RELCH: variants seen among roughly 807,000 people sequenced by gnomAD.
The protein encoded by RELCH is RAB11 binding and LisH domain, coiled-coil and HEAT repeat containing.
In RELCH, 41 loss-of-function variants were observed where a neutral mutation model predicts 150.3. The observed-to-expected ratio is 0.27, with a 90% confidence interval of 0.21 to 0.35. The LOEUF (loss-of-function observed/expected upper bound fraction) is 0.35, where lower values mean the gene tolerates loss of function less well. RELCH is among the 10% of genes least tolerant of loss of function. RELCH has a pLI of 1.00. For missense variants in RELCH, 1,092 were observed against 1,467.8 expected, an observed-to-expected ratio of 0.74 and a Z score of 4.18; for synonymous variants, 478 against 531.8, an observed-to-expected ratio of 0.90 and a Z score of 1.39.
At chr18:62,221,329 A>T (rs2040857337) in intron 4 of RELCH, 55 bp downstream of exon 4, 2 of 1,547,730 alleles carry the variant, frequency 1.3e-6, no homozygotes, top group Middle Eastern at 1.7e-4. Flanking sequence ...TGGTAACATA[A>T]ATATTGAAGG....
intron 5 of RELCH, among the ~76,000 whole-genome samples, chr18:62,226,159 G>A (rs1266202373): frequency 6.6e-6 from 1 of 151,950 alleles, no homozygotes. Context: ...GTTCTCATAG[G>A]TTATAATCTA....
At chr18:62,272,311 TTC>T (rs1433262568) in intron 20 of RELCH, among the ~76,000 whole-genome samples, 5 of 152,160 alleles carry the variant, frequency 3.3e-5, no homozygotes, top group Admixed American at 1.3e-4. Flanking sequence ...CAGTATTTTA[TTC>T]TCTCTCTTTT....
chr18:62,280,282 C>A, intron 23 of RELCH: 1 of 1,164,468 alleles, frequency 8.6e-7, no homozygotes, highest in South Asian at 1.3e-5. Flanking sequence ...GTCTGCCTGC[C>A]CATCCTCAGT....
intron 27 of RELCH, among the ~76,000 whole-genome samples, chr18:62,297,845 C>T (rs531553171): frequency 1.3e-5 from 2 of 152,238 alleles, no homozygotes; most frequent in African/African-American, 4.8e-5. Flanking sequence ...AGCATTTATT[C>T]CTCCATCTCC....
intron 28 of RELCH, among the ~76,000 whole-genome samples, chr18:62,299,856 A>G (rs1326117301): frequency 6.6e-6 from 1 of 152,208 alleles, no homozygotes; most frequent in Non-Finnish European, 1.5e-5. Flanking sequence ...TTTAAAGATA[A>G]GTATTATTTA....
chr18:62,211,904 T>C (rs1465629287), intron 2 of RELCH, among the ~76,000 whole-genome samples: 1 of 152,196 alleles, frequency 6.6e-6, no homozygotes, highest in African/African-American at 2.4e-5. Context: ...TTTCTGACTT[T>C]GCTATGATCC....
intron 1 of RELCH, among the ~76,000 whole-genome samples, chr18:62,209,125 T>C (rs1041806130): frequency 6.6e-6 from 1 of 152,240 alleles, no homozygotes; most frequent in Non-Finnish European, 1.5e-5. Context: ...AAGTAACATA[T>C]TCACACATTC....
chr18:62,246,240 A>G (rs1242860475), intron 11 of RELCH: 2 of 151,742 alleles, frequency 1.3e-5, no homozygotes, highest in South Asian at 2.1e-4. Context: ...TTCTGTTTGT[A>G]TGGCTTATTG....
chr18:62,242,914 G>A (rs1968803152), intron 10 of RELCH, among the ~76,000 whole-genome samples: 1 of 152,038 alleles, frequency 6.6e-6, no homozygotes. Flanking sequence ...AATAGGCTAG[G>A]AAGAAATGGG....
intron 24 of RELCH, 56 bp from the exon 25 acceptor site, chr18:62,282,250 A>G: frequency 1.4e-6 from 2 of 1,479,940 alleles, no homozygotes; most frequent in Middle Eastern, 1.7e-4. Flanking sequence ...TCACTTTAAC[A>G]ACACTACTCA....
chr18:62,221,917 T>C (rs2040900030), intron 5 of RELCH, among the ~76,000 whole-genome samples: 1 of 151,994 alleles, frequency 6.6e-6, no homozygotes, highest in Non-Finnish European at 1.5e-5. Context: ...GAGAGTATAT[T>C]GTAAATGAGA....
chr18:62,227,740 A>G (rs373390989), intron 7 of RELCH, 51 bp downstream of exon 7: 55 of 878,288 alleles, frequency 6.3e-5, no homozygotes, highest in Non-Finnish European at 9.6e-5. Flanking sequence ...GTTTAAAAGT[A>G]TTGGCAAGTT....
At position 62,244,784 on chromosome 18, in the gene RELCH, G is replaced by A. The variant is rs780980542; in HGVS notation, c.1641G>A (p.Leu547=). ...TTTAGGAGTTGATCCCCCTCATATT[G>A]TGTACAGCATGTCTACATCCTGAGC... ...AKREELIPLI[L]CTACLHPEPK... is the part of the protein sequence containing the mutation. Residue 547 remains leucine (L), a synonymous_variant, in exon 11 of 29, where the codon TTG becomes TTA. Transcript: ENST00000644646. 10 of 1,612,180 alleles carry A rather than the reference G, an allele frequency of 6.2e-6. No homozygotes were observed. The Admixed American group carries it at 1.5e-4, about 24-fold the overall frequency.
chr18:62,255,514 T>C, intron 13 of RELCH, 36 bp downstream of exon 13: 2 of 1,481,248 alleles, frequency 1.4e-6, no homozygotes, highest in Non-Finnish European at 1.8e-6. Context: ...TAAACTATTT[T>C]TCCAATAATA....
intron 28 of RELCH, among the ~76,000 whole-genome samples, chr18:62,301,602 A>C (rs2045667099): frequency 6.6e-6 from 1 of 152,220 alleles, no homozygotes; most frequent in Admixed American, 6.5e-5. Flanking sequence ...GAAATTGCTG[A>C]GTACCATCCC....
At position 62,206,592 on chromosome 18, in the gene RELCH, A is replaced by G. The variant is rs552022690; in HGVS notation, c.527-4561A>G. ...CACAAATAATCCATTTCCTTAGATC[A>G]ATATGTATACTTTAAGTACTGTGTA... On this transcript the variant is annotated intron_variant, in intron 1 of 28. Coordinates refer to ENST00000644646, the MANE Select transcript of RELCH (RefSeq NM_001346231.2). Among the ~76,000 whole-genome samples, 12 of 152,350 alleles carry G rather than the reference A, an allele frequency of 7.9e-5. 1 individual carries two copies. In the East Asian group the frequency reaches 2.3e-3, roughly 29 times the overall value.
chr18:62,224,127 T>A (rs1233875206), intron 5 of RELCH, among the ~76,000 whole-genome samples: 1 of 152,062 alleles, frequency 6.6e-6, no homozygotes, highest in African/African-American at 2.4e-5. Context: ...CAGCCCCTCA[T>A]GCCCCAACAG....
intron 18 of RELCH, among the ~76,000 whole-genome samples, chr18:62,265,961 A>C (rs1326142335): frequency 2.0e-5 from 3 of 151,996 alleles, no homozygotes; most frequent in Admixed American, 6.6e-5. Flanking sequence ...ACTAGCATTC[A>C]GTTGTTAAAC....
chr18:62,290,332 G>A (rs544050451), intron 26 of RELCH, among the ~76,000 whole-genome samples: 3 of 152,232 alleles, frequency 2.0e-5, no homozygotes, highest in East Asian at 1.9e-4. Context: ...TCAGGGGTTC[G>A]AGACCAGCCG....
Sources: gnomAD v4.1 joint callset for allele counts (sites outside exome capture counted in the v4.1 genomes callset) on GRCh38, gnomAD v4.1.1 for gene constraint, MANE v1.5 for transcripts, NCBI Gene and HGNC (gene_info 2026-07-23, HGNC 2026-07-21) for gene names.